Variants in PBX1 observed in about 807,000 individuals in gnomAD.
PBX1 encodes the protein pre-B-cell leukemia transcription factor 1.
A neutral mutation model predicts 53.4 loss-of-function variants in PBX1; 6 were observed. The observed-to-expected ratio is 0.11, with a 90% CI of 0.06 to 0.22. PBX1 has a LOEUF of 0.22. Ranked by LOEUF, PBX1 falls within the 10% of genes least tolerant of loss-of-function variation. The pLI, the probability that PBX1 is intolerant of heterozygous loss-of-function variation, is 1.00. For synonymous variants in PBX1, 204 were observed against 212.3 expected, an observed-to-expected ratio of 0.96 and a Z score of 0.34; for missense variants, 251 against 551.4, an observed-to-expected ratio of 0.46 and a Z score of 5.46.
Position 164,746,223 on chromosome 1 carries a change from G to A in PBX1, c.266-46271G>A, listed in dbSNP as rs143636229. ...TCATGCAAGAGGTTCAGTGCAGACT[G>A]TATAGGGTATAGTTATAAGAAGTAC... On this transcript the variant is annotated intron_variant, in intron 2 of 8. Coordinates refer to ENST00000420696, the MANE Select transcript of PBX1 (RefSeq NM_002585.4). Among the ~76,000 whole-genome samples, 471 of 152,300 alleles carry A rather than the reference G, an allele frequency of 3.1e-3. 2 individuals carry two copies. Among genetic ancestry groups the A allele is most frequent in the African/African-American group, 0.011 (457 of 41,550 alleles).
chr1:164,688,982 G>A (rs1281606690), intron 2 of PBX1, among the ~76,000 whole-genome samples: 1 of 152,242 alleles, frequency 6.6e-6, no homozygotes, highest in African/African-American at 2.4e-5. Flanking sequence ...TCTGGCTGGA[G>A]GGTGGCGTCG....
chr1:164,842,454 C>A (rs1671348984), intron 8 of PBX1, among the ~76,000 whole-genome samples: 2 of 152,112 alleles, frequency 1.3e-5, no homozygotes, highest in African/African-American at 4.8e-5. Context: ...CATTTTTATT[C>A]CCGAAACACT....
intron 2 of PBX1, among the ~76,000 whole-genome samples, chr1:164,564,676 T>A (rs2101692366): frequency 6.6e-6 from 1 of 152,296 alleles, no homozygotes; most frequent in African/African-American, 2.4e-5. Flanking sequence ...AACCTGTTAA[T>A]TGCATTATTT....
At chr1:164,768,790 A>G (rs1274970457) in intron 2 of PBX1, among the ~76,000 whole-genome samples, 1 of 152,198 alleles carries the variant, frequency 6.6e-6, no homozygotes. Context: ...TCCATTCATC[A>G]CGCCTGTAAT....
At chr1:164,607,622 A>G (rs752915116) in intron 2 of PBX1, among the ~76,000 whole-genome samples, 7 of 152,186 alleles carry the variant, frequency 4.6e-5, no homozygotes, top group Non-Finnish European at 1.0e-4. Context: ...CTAGAGACAT[A>G]AATTTGGATA....
intron 2 of PBX1, among the ~76,000 whole-genome samples, chr1:164,756,607 G>A (rs1436059622): frequency 6.6e-6 from 1 of 152,118 alleles, no homozygotes; most frequent in African/African-American, 2.4e-5. Context: ...ATTCAGAATG[G>A]AAGCCTATAT....
At chr1:164,741,739 AGT>A (rs57771496) in intron 2 of PBX1, among the ~76,000 whole-genome samples, 4,924 of 140,818 alleles carry the variant, frequency 0.035, 82 homozygotes, top group African/African-American at 0.044. Context: ...TGTATGAGTG[AGT>A]GTGTGTGTGT....
chr1:164,590,422 C>G (rs760653908), intron 2 of PBX1: 36 of 455,824 alleles, frequency 7.9e-5, no homozygotes, highest in Middle Eastern at 3.2e-4. Flanking sequence ...GCCGCCGCCC[C>G]CCTGTGCTTC....
chr1:164,716,685 TACAC>T (rs375539653), intron 2 of PBX1, among the ~76,000 whole-genome samples: 1,718 of 115,682 alleles, frequency 0.015, 15 homozygotes, highest in African/African-American at 0.035. Context: ...ATGTCATCTC[TACAC>T]ACACACACAC....
At chr1:164,684,346 G>T (rs1179142742) in intron 2 of PBX1, 1 of 152,122 alleles carries the variant, frequency 6.6e-6, no homozygotes, top group African/African-American at 2.4e-5. Context: ...AGAAATAAAA[G>T]AAGTCTTTAT....
downstream of PBX1, among the ~76,000 whole-genome samples, chr1:164,854,511 C>T (rs1260324594): frequency 6.6e-6 from 1 of 151,984 alleles, no homozygotes; most frequent in Non-Finnish European, 1.5e-5. Flanking sequence ...AATCTGGATC[C>T]TTGAATCAGG....
At chr1:164,631,127 A>G (rs1230071385) in intron 2 of PBX1, 3 of 152,234 alleles carry the variant, frequency 2.0e-5, no homozygotes, top group Non-Finnish European at 4.4e-5. Flanking sequence ...GTTAGTGCAC[A>G]TAATTGTTAT....
At position 164,725,797 on chromosome 1, in the gene PBX1, G is replaced by A. The variant is rs183120254; in HGVS notation, c.266-66697G>A. Among the ~76,000 whole-genome samples, 723 of 152,246 alleles carry A rather than the reference G, an allele frequency of 4.7e-3. 4 individuals are homozygous for A. The highest frequency in any genetic ancestry group is 0.017 in the African/African-American group (699 of 41,540). On this transcript the variant is annotated intron_variant, in intron 2 of 8. Transcript: ENST00000420696. ...TACATGACTGAATCCTCACTGTGAG[G>A]TGTAGCTATCCATCATTTTTGAGCA...
intron 2 of PBX1, among the ~76,000 whole-genome samples, chr1:164,668,994 G>A (rs911460651): frequency 6.6e-6 from 1 of 152,132 alleles, no homozygotes; most frequent in Non-Finnish European, 1.5e-5. Context: ...GATTCCCGCA[G>A]ATGAGAGAGG....
intron 8 of PBX1, among the ~76,000 whole-genome samples, chr1:164,830,368 A>T (rs752277880): frequency 1.4e-4 from 22 of 152,232 alleles, no homozygotes; most frequent in Admixed American, 2.6e-4. Flanking sequence ...GTGAAAACAG[A>T]GTAGACTTCT....
chr1:164,709,371 T>TTGCACAATTGTGCAA (rs1197655538), intron 2 of PBX1, among the ~76,000 whole-genome samples: 4 of 152,034 alleles, frequency 2.6e-5, no homozygotes, highest in African/African-American at 9.7e-5. Context: ...AGGACAAAGC[T>TTGCACAATTGTGCAA]GGGTCCATTG....
chr1:164,591,988 A>G (rs1012718123), intron 2 of PBX1, among the ~76,000 whole-genome samples: 2 of 152,132 alleles, frequency 1.3e-5, no homozygotes, highest in African/African-American at 4.8e-5. Flanking sequence ...ACTTTTGGCA[A>G]GTTGACAGGT....
intron 2 of PBX1, among the ~76,000 whole-genome samples, chr1:164,656,043 G>A (rs1279848297): frequency 6.6e-6 from 1 of 152,082 alleles, no homozygotes; most frequent in Admixed American, 6.5e-5. Flanking sequence ...AATTAATATG[G>A]AACATTTAAA....
chr1:164,708,744 A>G (rs556286178), intron 2 of PBX1, among the ~76,000 whole-genome samples: 8 of 152,364 alleles, frequency 5.3e-5, no homozygotes, highest in Non-Finnish European at 7.3e-5. Flanking sequence ...TATATGGCAC[A>G]GGTACTGTGA....
Sources: gnomAD v4.1 joint callset for allele counts (sites outside exome capture counted in the v4.1 genomes callset) on GRCh38, gnomAD v4.1.1 for gene constraint, MANE v1.5 for transcripts, NCBI Gene and HGNC (gene_info 2026-07-23, HGNC 2026-07-21) for gene names.